Variants in FUT8 observed in about 807,000 individuals in gnomAD.
FUT8 encodes fucosyltransferase 8.
In FUT8, 29 loss-of-function variants were observed where a neutral mutation model predicts 71.3. That is an observed-to-expected ratio of 0.41 (90% CI 0.30 to 0.55). The LOEUF (loss-of-function observed/expected upper bound fraction) is 0.55. Among genes scored for constraint, FUT8 ranks in the 20% least tolerant of loss-of-function variants. FUT8 has a pLI of 0.34. For synonymous variants in FUT8, 254 were observed against 239.3 expected (o/e 1.06, Z -0.57); for missense variants, 544 against 702.1 (o/e 0.77, Z 2.55).
At chr14:65,454,218 A>G (rs1009386843) in intron 1 of FUT8, among the ~76,000 whole-genome samples, 9 of 152,268 alleles carry the variant, frequency 5.9e-5, no homozygotes, top group African/African-American at 1.9e-4. Context: ...AAGAATTACA[A>G]TAAACCTTTG....
chr14:65,404,159 C>A, the FUT8 span, among the ~76,000 whole-genome samples: 1 of 150,752 alleles, frequency 6.6e-6, no homozygotes, highest in African/African-American at 2.4e-5. Flanking sequence ...AGCCACTGTG[C>A]GGGGCCAGAT....
At chr14:65,738,846 A>C (rs1896355042) in intron 10 of FUT8, among the ~76,000 whole-genome samples, 1 of 152,096 alleles carries the variant, frequency 6.6e-6, no homozygotes, top group African/African-American at 2.4e-5. Context: ...TTAAGGGTTA[A>C]ATATCACCCA....
At chr14:65,468,137 G>T in intron 2 of FUT8, 2 of 637,766 alleles carry the variant, frequency 3.1e-6, no homozygotes, top group South Asian at 3.0e-5. Flanking sequence ...CCAACAGCAT[G>T]TTGGGTAACA....
intron 3 of FUT8, among the ~76,000 whole-genome samples, chr14:65,597,677 T>C (rs1793208059): frequency 6.6e-6 from 1 of 151,390 alleles, no homozygotes; most frequent in African/African-American, 2.4e-5. Flanking sequence ...ACAGAATGGC[T>C]TGTCTTGGAG....
chr14:65,445,749 C>A (rs1345175900), intron 1 of FUT8, among the ~76,000 whole-genome samples: 1 of 152,120 alleles, frequency 6.6e-6, no homozygotes, highest in Non-Finnish European at 1.5e-5. Context: ...TTTTACGTCT[C>A]AAGGATTTGT....
At chr14:65,598,115 A>G (rs1888089909) in intron 3 of FUT8, among the ~76,000 whole-genome samples, 1 of 152,190 alleles carries the variant, frequency 6.6e-6, no homozygotes, top group Admixed American at 6.5e-5. Flanking sequence ...TCAAGGCTAC[A>G]CAGTAAGCTG....
intron 2 of FUT8, among the ~76,000 whole-genome samples, chr14:65,476,717 C>T (rs528955851): frequency 4.9e-5 from 7 of 141,918 alleles, no homozygotes; most frequent in Admixed American, 2.2e-4. Flanking sequence ...AGTACAGTGG[C>T]GCTATCATAG....
chr14:65,546,130 T>C (rs1057431412), intron 2 of FUT8, among the ~76,000 whole-genome samples: 4 of 151,454 alleles, frequency 2.6e-5, no homozygotes, highest in East Asian at 1.9e-4. Context: ...AGTGAACCCA[T>C]ATTAAGTATA....
intron 1 of FUT8, among the ~76,000 whole-genome samples, chr14:65,444,241 C>T (rs935377900): frequency 6.6e-6 from 1 of 152,066 alleles, no homozygotes; most frequent in Non-Finnish European, 1.5e-5. Flanking sequence ...GTAGAAATCA[C>T]GAGATACCAT....
At chr14:65,520,344 A>C (rs1372112617) in intron 2 of FUT8, among the ~76,000 whole-genome samples, 1 of 152,076 alleles carries the variant, frequency 6.6e-6, no homozygotes, top group Admixed American at 6.6e-5. Context: ...CTAAAGATTT[A>C]TTTTGGCACT....
chr14:65,677,151 T>TGTGTGTGCAC, intron 7 of FUT8, among the ~76,000 whole-genome samples: 1 of 110,702 alleles, frequency 9.0e-6, no homozygotes, highest in East Asian at 2.5e-4. Flanking sequence ...TGTGTGTGTG[T>TGTGTGTGCAC]GCGCGCGCGC....
chr14:65,426,936 G>A (rs2065397989), intron 1 of FUT8, among the ~76,000 whole-genome samples: 2 of 151,970 alleles, frequency 1.3e-5, no homozygotes, highest in African/African-American at 2.4e-5. Flanking sequence ...TTGGCTCACT[G>A]TAAGCTCTGC....
chr14:65,720,446 G>A (rs1895357759), intron 7 of FUT8, among the ~76,000 whole-genome samples: 1 of 152,210 alleles, frequency 6.6e-6, no homozygotes, highest in Non-Finnish European at 1.5e-5. Flanking sequence ...GAGCCCACTT[G>A]GTGCTCTGTT....
At chr14:65,549,912 T>G (rs1885193252) in intron 2 of FUT8, among the ~76,000 whole-genome samples, 1 of 151,990 alleles carries the variant, frequency 6.6e-6, no homozygotes, top group Non-Finnish European at 1.5e-5. Context: ...ACACAAAAAA[T>G]CAGTTGGGCA....
chr14:65,380,327 C>T, the FUT8 span, among the ~76,000 whole-genome samples: 8 of 152,232 alleles, frequency 5.3e-5, no homozygotes, highest in Middle Eastern at 3.4e-3. Flanking sequence ...TACCTCCCCC[C>T]GGGTCCCTCC....
intron 7 of FUT8, among the ~76,000 whole-genome samples, chr14:65,685,536 A>G (rs942646584): frequency 6.6e-6 from 1 of 152,216 alleles, no homozygotes; most frequent in Non-Finnish European, 1.5e-5. Context: ...GGGCAAGTCC[A>G]TAGAGTAAAG....
intron 7 of FUT8, among the ~76,000 whole-genome samples, chr14:65,717,038 T>C (rs541978207): frequency 5.0e-3 from 281 of 56,664 alleles, no homozygotes; most frequent in South Asian, 7.3e-3. Context: ...CCAGACGGGG[T>C]GGCCGGGCAG....
At position 65,669,183 on chromosome 14, in the gene FUT8, A is replaced by T; in HGVS notation, c.598-60A>T. The T allele has an allele frequency of 8.1e-7, 1 of 1,227,332 alleles. No homozygotes were observed. The highest frequency in any genetic ancestry group is 1.2e-6 in the Non-Finnish European group (1 of 866,148). 76.0% of individuals were successfully genotyped at this position (1,227,332 alleles called of 1,614,324 possible). Reference sequence around the variant, plus strand: ...GAAGATGAAAGATTAAAAAAAAAAAAGAGCAGTTGACCTCTCTGTACAACT... The same window carrying T: ...GAAGATGAAAGATTAAAAAAAAAAATGAGCAGTTGACCTCTCTGTACAACT... On this transcript the variant is annotated intron_variant, in intron 6 of 10. Transcript: ENST00000673929. This position sits in a 1 kb window ranked among gnomAD's most constrained non-coding sequence, Gnocchi z 4.5.
the FUT8 span, among the ~76,000 whole-genome samples, chr14:65,378,837 G>GT: frequency 0.1 from 6,630 of 66,352 alleles, 1,603 homozygotes; most frequent in East Asian, 0.37. Context: ...TCACAAGAAG[G>GT]TTTTTTTTTT....
Sources: allele counts gnomAD v4.1 joint callset (sites outside exome capture counted in the v4.1 genomes callset), GRCh38; gene constraint gnomAD v4.1.1; non-coding constraint Gnocchi (gnomAD v3.1); transcripts MANE v1.5; gene names NCBI Gene and HGNC (gene_info 2026-07-23, HGNC 2026-07-21).